The following ATP8A2 variants were observed in gnomAD, a reference collection of about 807,000 sequenced individuals.
ATP8A2 encodes the protein ATPase phospholipid transporting 8A2.
ATP8A2 carries 100 observed loss-of-function variants against 165.6 expected under a neutral mutation model. The observed-to-expected ratio is 0.60, with a 90% confidence interval of 0.51 to 0.71. The LOEUF (loss-of-function observed/expected upper bound fraction) is 0.71, where lower values mean the gene tolerates loss of function less well. Ranked by LOEUF, ATP8A2 falls within the 30% of genes least tolerant of loss-of-function variation. The pLI, the probability that ATP8A2 is intolerant of heterozygous loss-of-function variation, is 0.00. For missense variants in ATP8A2, 1,227 were observed against 1,479.5 expected, an observed-to-expected ratio of 0.83 and a Z score of 2.80; for synonymous variants, 543 against 548.8, an observed-to-expected ratio of 0.99 and a Z score of 0.15.
chr13:25,699,806 C>T (rs894517731), intron 25 of ATP8A2, among the ~76,000 whole-genome samples: 2 of 151,704 alleles, frequency 1.3e-5, no homozygotes, highest in East Asian at 3.9e-4. Flanking sequence ...TAAAATCTAA[C>T]CAGAAATCTT....
chr13:25,479,139 C>G (rs908273825), intron 2 of ATP8A2, among the ~76,000 whole-genome samples: 30 of 152,322 alleles, frequency 2.0e-4, no homozygotes, highest in African/African-American at 7.2e-4. Context: ...AGCCACCACA[C>G]CCAGCCCATA....
intron 35 of ATP8A2, among the ~76,000 whole-genome samples, chr13:25,973,955 G>T (rs939281509): frequency 2.0e-5 from 3 of 152,200 alleles, no homozygotes; most frequent in African/African-American, 7.2e-5. Context: ...CCAGCCAAAA[G>T]GATAGGAAAT....
intron 27 of ATP8A2, among the ~76,000 whole-genome samples, chr13:25,780,628 T>C (rs2044852654): frequency 6.6e-6 from 1 of 152,162 alleles, no homozygotes; most frequent in African/African-American, 2.4e-5. Context: ...TCCCAACCTT[T>C]CTGGCACCAG....
chr13:25,949,633 G>C (rs926109698), intron 33 of ATP8A2, among the ~76,000 whole-genome samples: 2 of 152,190 alleles, frequency 1.3e-5, no homozygotes, highest in East Asian at 3.9e-4. Context: ...ACCTCTGCCA[G>C]AGAAGAGCCC....
intron 24 of ATP8A2, among the ~76,000 whole-genome samples, chr13:25,627,447 G>A (rs2041130479): frequency 6.6e-6 from 1 of 152,118 alleles, no homozygotes; most frequent in Non-Finnish European, 1.5e-5. Context: ...TTGGAGTAAG[G>A]AAGCAATTAT....
chr13:25,505,117 G>C (rs928208614), intron 2 of ATP8A2, among the ~76,000 whole-genome samples: 2 of 145,448 alleles, frequency 1.4e-5, no homozygotes, highest in Admixed American at 7.3e-5. Flanking sequence ...GAATGGGTCT[G>C]AAATTGCTTT....
chr13:25,735,215 G>A (rs1429562158), intron 25 of ATP8A2, among the ~76,000 whole-genome samples: 4 of 152,206 alleles, frequency 2.6e-5, no homozygotes, highest in Non-Finnish European at 5.9e-5. Context: ...TGAAGAGTTA[G>A]AGGTCATATC....
At chr13:25,904,865 C>G (rs373720492) in intron 33 of ATP8A2, among the ~76,000 whole-genome samples, 12 of 152,322 alleles carry the variant, frequency 7.9e-5, no homozygotes, top group African/African-American at 2.9e-4. Context: ...ACATATAGTT[C>G]TTTTACCCTC....
chr13:25,959,409 C>G (rs1399701566), intron 33 of ATP8A2, among the ~76,000 whole-genome samples: 1 of 152,204 alleles, frequency 6.6e-6, no homozygotes, highest in Admixed American at 6.5e-5. Flanking sequence ...CCATCGGGGC[C>G]TGGGACACCC....
At chr13:25,739,011 G>T (rs2043848867) in intron 25 of ATP8A2, among the ~76,000 whole-genome samples, 1 of 152,188 alleles carries the variant, frequency 6.6e-6, no homozygotes, top group African/African-American at 2.4e-5. Flanking sequence ...AGTGTGGGTG[G>T]GAGGCACGAC....
intron 24 of ATP8A2, chr13:25,591,165 T>C (rs1408637308): frequency 2.6e-6 from 1 of 391,378 alleles, no homozygotes; most frequent in Admixed American, 2.6e-5. Context: ...GTGTGTAAAT[T>C]GTTGTGAAAT....
chr13:25,531,255 T>C (rs989523371), intron 4 of ATP8A2, among the ~76,000 whole-genome samples: 1 of 7,032 alleles, frequency 1.4e-4, no homozygotes, highest in South Asian at 4.5e-3. Context: ...TTATATATGA[T>C]ATATATGATA....
chr13:25,801,452 G>T (rs2138457366), intron 27 of ATP8A2, among the ~76,000 whole-genome samples: 1 of 152,264 alleles, frequency 6.6e-6, no homozygotes, highest in South Asian at 2.1e-4. Context: ...GTAAATGTGA[G>T]CCAGTGCTGC....
intron 32 of ATP8A2, among the ~76,000 whole-genome samples, chr13:25,861,990 G>A (rs532569023): frequency 2.6e-5 from 4 of 152,296 alleles, no homozygotes; most frequent in African/African-American, 9.6e-5. Flanking sequence ...CCGCAGGTTG[G>A]AGCAAACACT....
chr13:25,960,749 C>T (rs965565938), intron 33 of ATP8A2, among the ~76,000 whole-genome samples: 1 of 152,292 alleles, frequency 6.6e-6, no homozygotes, highest in Admixed American at 6.5e-5. Context: ...CTTTTCAACT[C>T]ACCTAACATC....
intron 25 of ATP8A2, among the ~76,000 whole-genome samples, chr13:25,719,353 A>G (rs1447681638): frequency 6.6e-6 from 1 of 151,992 alleles, no homozygotes; most frequent in East Asian, 1.9e-4. Context: ...TGCTGGGTCT[A>G]TGTGGCAGTT....
intron 14 of ATP8A2, 63 bp from the exon 15 acceptor site, chr13:25,559,658 G>A: frequency 1.6e-6 from 2 of 1,219,646 alleles, no homozygotes; most frequent in Non-Finnish European, 2.4e-6. Flanking sequence ...GATCAGTTTT[G>A]ATCAGAATGT....
chr13:25,781,393 T>C (rs937413841), intron 27 of ATP8A2, among the ~76,000 whole-genome samples: 12 of 152,260 alleles, frequency 7.9e-5, no homozygotes, highest in African/African-American at 2.9e-4. Flanking sequence ...CTTTTGCTGT[T>C]TTACAGCTTT....
intron 1 of ATP8A2, among the ~76,000 whole-genome samples, chr13:25,466,367 C>T (rs1176699265): frequency 6.6e-6 from 1 of 152,080 alleles, no homozygotes; most frequent in Admixed American, 6.5e-5. Flanking sequence ...CTTCCCTTTC[C>T]TAATCCACAC....
Sources: gnomAD v4.1 joint callset for allele counts (sites outside exome capture counted in the v4.1 genomes callset) on GRCh38, gnomAD v4.1.1 for gene constraint, MANE v1.5 for transcripts, NCBI Gene and HGNC (gene_info 2026-07-23, HGNC 2026-07-21) for gene names.